Variants in STX17 observed in about 807,000 individuals in gnomAD.
STX17 encodes syntaxin 17, also known as syntaxin-17.
A neutral mutation model predicts 35.9 loss-of-function variants in STX17; 29 were observed. The observed-to-expected ratio is 0.81, with a 90% CI of 0.60 to 1.10. The LOEUF (loss-of-function observed/expected upper bound fraction) is 1.10, where lower values mean the gene tolerates loss of function less well. STX17 is among the 50% of genes least tolerant of loss of function. STX17 has a pLI of 0.00. For missense variants in STX17, 312 were observed against 352.3 expected (o/e 0.89, Z 0.92); for synonymous variants, 92 against 118.3 (o/e 0.78, Z 1.44).
At chr9:99,930,254 ATTTAT>A (rs1196108245) in intron 3 of STX17, among the ~76,000 whole-genome samples, 3 of 146,204 alleles carry the variant, frequency 2.1e-5, no homozygotes, top group Non-Finnish European at 4.5e-5. Flanking sequence ...TCCATTCTTT[ATTTAT>A]TTTATTTTAT....
intron 1 of STX17, among the ~76,000 whole-genome samples, chr9:99,909,643 C>T (rs947766267): frequency 6.6e-6 from 1 of 151,934 alleles, no homozygotes; most frequent in East Asian, 1.9e-4. Flanking sequence ...CATGAACAGG[C>T]AATTCATGAA....
intron 1 of STX17, chr9:99,914,106 C>G (rs1334717964): frequency 6.6e-6 from 1 of 152,110 alleles, no homozygotes; most frequent in East Asian, 1.9e-4. Context: ...TACCCGGCCC[C>G]TTCATTCACA....
chr9:99,940,221 C>G (rs1281487330), intron 3 of STX17, among the ~76,000 whole-genome samples: 1 of 152,048 alleles, frequency 6.6e-6, no homozygotes, highest in East Asian at 1.9e-4. Flanking sequence ...ACCACCACCT[C>G]CCGGGTTCAA....
intron 4 of STX17, among the ~76,000 whole-genome samples, chr9:99,954,573 T>A (rs1404700506): frequency 1.3e-5 from 2 of 152,094 alleles, no homozygotes; most frequent in Non-Finnish European, 1.5e-5. Flanking sequence ...AGACTGTTTT[T>A]GTCATTCTAC....
intron 3 of STX17, among the ~76,000 whole-genome samples, chr9:99,942,732 G>A (rs1829391468): frequency 6.6e-6 from 1 of 152,022 alleles, no homozygotes; most frequent in South Asian, 2.1e-4. Context: ...GGTATATCCA[G>A]CTTTATTTTT....
intron 2 of STX17, among the ~76,000 whole-genome samples, chr9:99,923,794 G>T (rs1202701042): frequency 6.6e-6 from 1 of 152,154 alleles, no homozygotes; most frequent in Non-Finnish European, 1.5e-5. Flanking sequence ...AATTTGCTGG[G>T]ATGGCTCACA....
intron 3 of STX17, among the ~76,000 whole-genome samples, chr9:99,939,005 G>A (rs995752988): frequency 2.0e-5 from 3 of 152,116 alleles, no homozygotes; most frequent in Non-Finnish European, 2.9e-5. Context: ...TCCCAGTTCC[G>A]TAAGCACACA....
rs940662521 is a variant in STX17, at chr9:99,972,663, C to T, written c.*3990C>T. ...AATCAAATACTGGTAACATCAATCA[C>T]AAGAAGTTGAGGAAACCTGTAATAT... is the stretch of plus-strand genomic sequence containing the variant. On this transcript the variant is annotated 3_prime_UTR_variant, in exon 8 of 8. Transcript: ENST00000259400. Among the ~76,000 whole-genome samples, 4 of 152,132 alleles carry T rather than the reference C, an allele frequency of 2.6e-5. No homozygotes were observed. Among genetic ancestry groups the T allele is most frequent in the Non-Finnish European group, 5.9e-5 (4 of 68,006 alleles).
chr9:99,968,306 GTC>G, intron 7 of STX17, 126 bp from the exon 8 acceptor site: 1 of 1,185,008 alleles, frequency 8.4e-7, no homozygotes, highest in South Asian at 2.2e-5. Context: ...TACAAGTACA[GTC>G]TCTAAGGTTA....
At chr9:99,930,562 C>G (rs1382579062) in intron 3 of STX17, among the ~76,000 whole-genome samples, 1 of 152,172 alleles carries the variant, frequency 6.6e-6, no homozygotes, top group South Asian at 2.1e-4. Flanking sequence ...CCACTGCACC[C>G]GGCTTTTCCA....
intron 1 of STX17, among the ~76,000 whole-genome samples, chr9:99,912,730 A>G (rs139969748): frequency 9.9e-4 from 151 of 152,350 alleles, no homozygotes; most frequent in African/African-American, 3.5e-3. Flanking sequence ...ACGTAATTAT[A>G]GAAAATTATT....
intron 6 of STX17, 155 bp from the exon 7 acceptor site, chr9:99,967,498 C>G (rs1829938863): frequency 8.3e-6 from 3 of 363,346 alleles, no homozygotes; most frequent in Non-Finnish European, 5.0e-6. Flanking sequence ...TTAATTTGTC[C>G]TTTCGACATG....
chr9:99,938,461 CA>C (rs1829282477), intron 3 of STX17, among the ~76,000 whole-genome samples: 1 of 152,116 alleles, frequency 6.6e-6, no homozygotes, highest in African/African-American at 2.4e-5. Flanking sequence ...TATAATAATT[CA>C]CTGAAGAACA....
chr9:99,916,233 G>C (rs979399925), intron 2 of STX17: 4 of 342,974 alleles, frequency 1.2e-5, no homozygotes, highest in Non-Finnish European at 2.3e-5. Flanking sequence ...ACCATGCTCC[G>C]GTGAAGTGGC....
chr9:99,944,483 A>G (rs1453108585), intron 3 of STX17, among the ~76,000 whole-genome samples: 1 of 150,536 alleles, frequency 6.6e-6, no homozygotes, highest in Non-Finnish European at 1.5e-5. Context: ...AGGTTTAAAT[A>G]TGCATTATTT....
intron 7 of STX17, 34 bp from the exon 8 acceptor site, chr9:99,968,400 C>T (rs755798062): frequency 5.3e-6 from 8 of 1,519,002 alleles, no homozygotes; most frequent in Middle Eastern, 1.9e-4. Flanking sequence ...ATTCTCAACT[C>T]AGTTTCTAAA....
chr9:99,922,713 A>G (rs558023634), intron 2 of STX17, among the ~76,000 whole-genome samples: 2 of 152,322 alleles, frequency 1.3e-5, no homozygotes, highest in South Asian at 4.1e-4. Context: ...GCAAGATGGA[A>G]TCACTCAGCT....
chr9:99,950,986 TATAAC>T (rs995701211), intron 3 of STX17, 69 bp from the exon 4 acceptor site: 18 of 1,296,228 alleles, frequency 1.4e-5, no homozygotes, highest in Non-Finnish European at 1.9e-5. Flanking sequence ...CCACAACTAT[TATAAC>T]ATTACTTCTG....
At chr9:99,952,409 A>C (rs1428098732) in intron 4 of STX17, among the ~76,000 whole-genome samples, 1 of 152,072 alleles carries the variant, frequency 6.6e-6, no homozygotes, top group African/African-American at 2.4e-5. Context: ...TGGAGAAATA[A>C]GAACACTTTT....
Sources: allele counts gnomAD v4.1 joint callset (sites outside exome capture counted in the v4.1 genomes callset), GRCh38; gene constraint gnomAD v4.1.1; transcripts MANE v1.5; gene names NCBI Gene and HGNC (gene_info 2026-07-23, HGNC 2026-07-21).